Variants in AGBL4 observed in about 807,000 individuals in gnomAD.
AGBL4 encodes the protein cytosolic carboxypeptidase 6.
In AGBL4, 58 loss-of-function variants were observed where a neutral mutation model predicts 66.4. The observed-to-expected ratio is 0.87, with a 90% CI of 0.71 to 1.09. The LOEUF (loss-of-function observed/expected upper bound fraction) is 1.09. AGBL4 is among the 50% of genes least tolerant of loss of function. The pLI is 0.00. For missense variants in AGBL4, 579 were observed against 631.0 expected, an observed-to-expected ratio of 0.92 and a Z score of 0.88; for synonymous variants, 234 against 222.9, an observed-to-expected ratio of 1.05 and a Z score of -0.44.
At chr1:48,990,940 G>T (rs1660556760) in intron 5 of AGBL4, among the ~76,000 whole-genome samples, 2 of 152,010 alleles carry the variant, frequency 1.3e-5, no homozygotes, top group Admixed American at 1.3e-4. Context: ...TTGAAAAGTT[G>T]TAGTTATTAT....
chr1:49,966,356 A>G (rs1357350704), intron 1 of AGBL4, among the ~76,000 whole-genome samples: 2 of 152,186 alleles, frequency 1.3e-5, no homozygotes, highest in African/African-American at 4.8e-5. Flanking sequence ...CTGTTTCTGC[A>G]TGTAACTTAA....
chr1:49,029,146 A>T (rs1181247825), intron 5 of AGBL4, among the ~76,000 whole-genome samples: 1 of 152,182 alleles, frequency 6.6e-6, no homozygotes, highest in Non-Finnish European at 1.5e-5. Flanking sequence ...CCTCTAAGAT[A>T]AGGAACAAGG....
intron 3 of AGBL4, among the ~76,000 whole-genome samples, chr1:49,466,034 C>T (rs902595928): frequency 1.3e-5 from 2 of 151,856 alleles, no homozygotes; most frequent in Non-Finnish European, 2.9e-5. Flanking sequence ...GGTAGAGTAG[C>T]ATTTTGTGCC....
At chr1:49,281,182 C>A (rs777262963) in intron 3 of AGBL4, among the ~76,000 whole-genome samples, 3 of 152,128 alleles carry the variant, frequency 2.0e-5, no homozygotes, top group Non-Finnish European at 2.9e-5. Flanking sequence ...TGGTCACTTT[C>A]ACAGATGAGA....
intron 4 of AGBL4, among the ~76,000 whole-genome samples, chr1:49,063,416 T>C (rs956892722): frequency 6.6e-6 from 1 of 152,140 alleles, no homozygotes; most frequent in Non-Finnish European, 1.5e-5. Context: ...TCTGGCTCAA[T>C]GTTTTTTATT....
At chr1:48,804,447 C>A (rs558538813) in intron 6 of AGBL4, among the ~76,000 whole-genome samples, 1 of 152,254 alleles carries the variant, frequency 6.6e-6, no homozygotes, top group South Asian at 2.1e-4. Context: ...CAAGGTTTTG[C>A]AGTTATTCGC....
intron 3 of AGBL4, among the ~76,000 whole-genome samples, chr1:49,312,087 T>C (rs1644950809): frequency 6.6e-6 from 1 of 152,104 alleles, no homozygotes; most frequent in South Asian, 2.1e-4. Context: ...ATTTCTGCTA[T>C]GGTTTGAATG....
chr1:50,011,416 C>A (rs1661521661), intron 1 of AGBL4, among the ~76,000 whole-genome samples: 1 of 152,030 alleles, frequency 6.6e-6, no homozygotes, highest in African/African-American at 2.4e-5. Flanking sequence ...AAAAGGGAAC[C>A]CTCGTATACT....
At chr1:49,607,056 T>C (rs1645074725) in intron 3 of AGBL4, among the ~76,000 whole-genome samples, 2 of 152,156 alleles carry the variant, frequency 1.3e-5, no homozygotes, top group African/African-American at 4.8e-5. Context: ...GTTCAAATGA[T>C]ATTTTCTTTG....
intron 3 of AGBL4, among the ~76,000 whole-genome samples, chr1:49,558,226 CCTT>C (rs1176675752): frequency 2.6e-5 from 4 of 152,036 alleles, no homozygotes; most frequent in African/African-American, 9.7e-5. Flanking sequence ...GGGAAAAACT[CCTT>C]CTTGAGAAAA....
chr1:49,233,551 T>G (rs1238256402), intron 4 of AGBL4, among the ~76,000 whole-genome samples: 1 of 152,212 alleles, frequency 6.6e-6, no homozygotes, highest in Non-Finnish European at 1.5e-5. Context: ...ACTTCACTGC[T>G]TCACATAACA....
chr1:49,057,838 G>C (rs1255072342), intron 4 of AGBL4, among the ~76,000 whole-genome samples: 1 of 152,150 alleles, frequency 6.6e-6, no homozygotes, highest in Non-Finnish European at 1.5e-5. Context: ...TCTAGTATAT[G>C]ATGGTACCTG....
chr1:49,130,585 G>T (rs1645869706), intron 4 of AGBL4, among the ~76,000 whole-genome samples: 2 of 152,054 alleles, frequency 1.3e-5, no homozygotes, highest in East Asian at 3.9e-4. Context: ...TTTCCCCATT[G>T]CTTGTTTTTC....
chr1:49,725,795 C>G (rs1648985181), intron 2 of AGBL4, among the ~76,000 whole-genome samples: 1 of 147,772 alleles, frequency 6.8e-6, no homozygotes, highest in Non-Finnish European at 1.5e-5. Flanking sequence ...AGCAGGCATT[C>G]AACTGACCAA....
intron 5 of AGBL4, among the ~76,000 whole-genome samples, chr1:48,898,315 T>A (rs1417405482): frequency 6.6e-6 from 1 of 152,200 alleles, no homozygotes; most frequent in African/African-American, 2.4e-5. Context: ...TAATGTAATC[T>A]CATTTGTCTG....
At chr1:49,936,424 C>T (rs1040364414) in intron 1 of AGBL4, among the ~76,000 whole-genome samples, 3 of 152,084 alleles carry the variant, frequency 2.0e-5, no homozygotes, top group East Asian at 1.9e-4. Flanking sequence ...CAGGACATTA[C>T]CCAGGAGAAC....
At chr1:48,611,800 T>C (rs928965982) in intron 9 of AGBL4, among the ~76,000 whole-genome samples, 3 of 152,254 alleles carry the variant, frequency 2.0e-5, no homozygotes, top group Non-Finnish European at 2.9e-5. Context: ...AAGCACTTTG[T>C]GTGCCGCTTC....
chr1:49,561,772 G>C (rs969807538), intron 3 of AGBL4, among the ~76,000 whole-genome samples: 6 of 152,112 alleles, frequency 3.9e-5, no homozygotes, highest in South Asian at 2.1e-4. Flanking sequence ...AAACATACGT[G>C]TGCATGTGTC....
At chr1:49,826,775 T>C (rs1645521389) in intron 2 of AGBL4, among the ~76,000 whole-genome samples, 1 of 152,224 alleles carries the variant, frequency 6.6e-6, no homozygotes, top group Non-Finnish European at 1.5e-5. Flanking sequence ...TATTAAGAGC[T>C]AGCCATTGTA....
Sources: gnomAD v4.1 joint callset for allele counts (sites outside exome capture counted in the v4.1 genomes callset) on GRCh38, gnomAD v4.1.1 for gene constraint, MANE v1.5 for transcripts, NCBI Gene and HGNC (gene_info 2026-07-23, HGNC 2026-07-21) for gene names.